SFSWAP: variants seen among roughly 807,000 people sequenced by gnomAD.
SFSWAP encodes the protein splicing factor, suppressor of white-apricot homolog.
SFSWAP carries 17 observed loss-of-function variants against 100.7 expected under a neutral mutation model. The ratio of observed to expected loss-of-function variants is 0.17; its 90% CI spans 0.12 to 0.25. The LOEUF (loss-of-function observed/expected upper bound fraction) is 0.25, where lower values mean the gene tolerates loss of function less well. Among genes scored for constraint, SFSWAP ranks in the 10% least tolerant of loss-of-function variants. SFSWAP has a pLI of 1.00. For synonymous variants in SFSWAP, 504 were observed against 510.1 expected (o/e 0.99, Z 0.16); for missense variants, 1,005 against 1,262.6 (o/e 0.80, Z 3.09).
chr12:131,721,231 A>G (rs753688918), intron 4 of SFSWAP, among the ~76,000 whole-genome samples: 1 of 152,202 alleles, frequency 6.6e-6, no homozygotes, highest in Admixed American at 6.5e-5. Flanking sequence ...TGCCTCCAAC[A>G]TTGGGAATGA....
intron 7 of SFSWAP, among the ~76,000 whole-genome samples, chr12:131,745,381 G>T (rs1041055088): frequency 1.3e-5 from 2 of 152,356 alleles, no homozygotes; most frequent in South Asian, 4.1e-4. Flanking sequence ...TGAGAATGGA[G>T]ATAATTGAGT....
intron 6 of SFSWAP, 59 bp from the exon 7 acceptor site, chr12:131,728,234 G>A (rs1389560271): frequency 6.3e-7 from 1 of 1,597,298 alleles, no homozygotes; most frequent in African/African-American, 1.3e-5. Flanking sequence ...TTTTGCAGCA[G>A]AAGAGTTCTG....
intron 7 of SFSWAP, among the ~76,000 whole-genome samples, chr12:131,737,625 T>G (rs983207667): frequency 7.9e-5 from 12 of 152,158 alleles, no homozygotes; most frequent in Non-Finnish European, 1.5e-4. Context: ...TACTGCTGTG[T>G]CTCGTGGGAG....
chr12:131,739,536 CTTTTTTTTTTTT>C lies in SFSWAP; in HGVS notation c.1081+11125_1081+11136del, dbSNP rs777610140. ...TTTGCATTCTATTATTCCCCAGTTG[CTTTTTTTTTTTT>C]TTTTTTTTTTTTTTTTGGATGGAGT... On this transcript the variant is annotated intron_variant, in intron 7 of 17. Transcript: ENST00000261674. Among the ~76,000 whole-genome samples the C allele has an allele frequency of 1.9e-3, 115 of 60,882 alleles. 1 individual carries two copies. The South Asian group carries it at 0.032, about 17-fold the overall frequency. The allele number at this position is 60,882 out of a possible 152,430, so 39.9% of individuals were successfully genotyped here. A position where few individuals can be genotyped will look rare whatever the true frequency, so the allele number is the denominator to read the frequency against.
intron 14 of SFSWAP, chr12:131,783,885 A>C (rs922288973): frequency 1.3e-5 from 2 of 148,200 alleles, no homozygotes; most frequent in African/African-American, 2.5e-5. Context: ...GGGATTTGGA[A>C]GACTTTTCTT....
intron 15 of SFSWAP, among the ~76,000 whole-genome samples, chr12:131,787,661 C>T (rs979622818): frequency 2.0e-5 from 3 of 152,086 alleles, no homozygotes; most frequent in Non-Finnish European, 2.9e-5. Flanking sequence ...TTCCAGAGGA[C>T]GAGCCTTACA....
intron 7 of SFSWAP, among the ~76,000 whole-genome samples, chr12:131,738,751 CTCTT>C (rs1243485167): frequency 6.6e-6 from 1 of 152,092 alleles, no homozygotes; most frequent in African/African-American, 2.4e-5. Context: ...GTGTATCTCT[CTCTT>C]CTAGCTGTAG....
intron 13 of SFSWAP, among the ~76,000 whole-genome samples, chr12:131,774,358 C>T (rs1024971721): frequency 3.3e-5 from 5 of 152,182 alleles, no homozygotes; most frequent in East Asian, 3.8e-4. Flanking sequence ...AGGAAATAAT[C>T]GTTGCTGGTT....
chr12:131,741,545 G>A (rs1223113126), intron 7 of SFSWAP, among the ~76,000 whole-genome samples: 2 of 151,938 alleles, frequency 1.3e-5, no homozygotes, highest in Non-Finnish European at 2.9e-5. Flanking sequence ...AGTGAGGTGT[G>A]GGGGTTGGCA....
rs377374517 is a variant in SFSWAP at position 131,726,271 on chromosome 12, G to A, written c.832+641G>A. 4.6e-5 allele frequency among the ~76,000 whole-genome samples: 7 copies of A among 152,032 alleles called. No individual in the cohort carries two copies. In the East Asian group the frequency reaches 7.7e-4, roughly 17 times the overall value. On this transcript the variant is annotated intron_variant, in intron 5 of 17. Transcript: ENST00000261674. ...CAGGCTGGAGTGCAATGGCGTGAGC[G>A]CGATCTTGGCTTACTGCAACCTCCG...
At chr12:131,728,211 C>T in intron 6 of SFSWAP, 82 bp from the exon 7 acceptor site, 2 of 1,530,320 alleles carry the variant, frequency 1.3e-6, no homozygotes, top group Non-Finnish European at 1.8e-6. Flanking sequence ...ACACTGAGTC[C>T]TAAAGGTGAG....
At chr12:131,736,739 G>A (rs1880058590) in intron 7 of SFSWAP, among the ~76,000 whole-genome samples, 2 of 152,150 alleles carry the variant, frequency 1.3e-5, no homozygotes, top group South Asian at 4.1e-4. Flanking sequence ...AGAAGACGGA[G>A]ATTTCTAGGC....
At chr12:131,792,501 CTG>C (rs1312515761) in intron 15 of SFSWAP, among the ~76,000 whole-genome samples, 1 of 146,068 alleles carries the variant, frequency 6.8e-6, no homozygotes, top group African/African-American at 2.6e-5. Flanking sequence ...CAGACCAGTA[CTG>C]TGTGTGCATA....
intron 15 of SFSWAP, 59 bp from the exon 16 acceptor site, chr12:131,797,119 C>T: frequency 1.3e-6 from 2 of 1,505,122 alleles, no homozygotes; most frequent in South Asian, 1.2e-5. Context: ...CGAGCTTCTC[C>T]CTTTGTGCCC....
chr12:131,763,064 G>A (rs2136235543), intron 11 of SFSWAP, among the ~76,000 whole-genome samples: 1 of 152,228 alleles, frequency 6.6e-6, no homozygotes, highest in South Asian at 2.1e-4. Flanking sequence ...CAGTATCTTT[G>A]TGTGTGCCCT....
chr12:131,763,003 C>T (rs748291952), intron 11 of SFSWAP, among the ~76,000 whole-genome samples: 104 of 152,284 alleles, frequency 6.8e-4, no homozygotes, highest in East Asian at 7.7e-4. Flanking sequence ...CTTCAGCTGC[C>T]GGCCCTGCTG....
chr12:131,781,196 A>G (rs889650865), intron 14 of SFSWAP, among the ~76,000 whole-genome samples: 1 of 150,978 alleles, frequency 6.6e-6, no homozygotes, highest in Non-Finnish European at 1.5e-5. Context: ...GAATAGCTTT[A>G]GTTACATATT....
intron 7 of SFSWAP, among the ~76,000 whole-genome samples, chr12:131,747,035 C>T (rs918454709): frequency 6.7e-6 from 1 of 148,326 alleles, no homozygotes; most frequent in South Asian, 2.1e-4. Context: ...ACCCGGGAGG[C>T]AGAGCTTGCA....
At position 131,759,552 on chromosome 12, in the gene SFSWAP, C is replaced by T. The variant is rs138405805; in HGVS notation, c.1720+2908C>T. On this transcript the variant is annotated intron_variant, in intron 11 of 17. Transcript: ENST00000261674. ...CGGTGGCTCACGCTTGTAATCCCAG[C>T]ACTTTGGGAGGCCGAGGCGGGTGGA... 2.4e-3 allele frequency among the ~76,000 whole-genome samples: 369 copies of T among 152,198 alleles called. 1 individual carries two copies. The highest frequency in any genetic ancestry group is 4.2e-3 in the Non-Finnish European group (283 of 68,006).
Sources: gnomAD v4.1 joint callset for allele counts (sites outside exome capture counted in the v4.1 genomes callset) on GRCh38, gnomAD v4.1.1 for gene constraint, MANE v1.5 for transcripts, NCBI Gene and HGNC (gene_info 2026-07-23, HGNC 2026-07-21) for gene names.